The following PALM2AKAP2 variants were observed in gnomAD, a reference collection of about 807,000 sequenced individuals.
PALM2AKAP2 encodes PALM2-AKAP2 fusion protein.
PALM2AKAP2 carries 37 observed loss-of-function variants against 71.5 expected under a neutral mutation model. The ratio of observed to expected loss-of-function variants is 0.52; its 90% CI spans 0.40 to 0.68. The LOEUF (loss-of-function observed/expected upper bound fraction) is 0.68, where lower values mean the gene tolerates loss of function less well. Among genes scored for constraint, PALM2AKAP2 ranks in the 30% least tolerant of loss-of-function variants. The pLI, the probability that PALM2AKAP2 is intolerant of heterozygous loss-of-function variation, is 0.00. For missense variants in PALM2AKAP2, 1,224 were observed against 1,191.8 expected, an observed-to-expected ratio of 1.03 and a Z score of -0.40; for synonymous variants, 468 against 478.8, an observed-to-expected ratio of 0.98 and a Z score of 0.29.
chr9:110,130,839 A>C (rs1163448857), intron 1 of PALM2AKAP2, among the ~76,000 whole-genome samples: 1 of 152,256 alleles, frequency 6.6e-6, no homozygotes, highest in African/African-American at 2.4e-5. Context: ...TGAAAGGGTG[A>C]GGAAGATCTC....
rs369284825 is a variant in PALM2AKAP2, at chr9:110,012,295, AAAAAAG to A, written c.497-3636_497-3631del. On this transcript the variant is annotated intron_variant, in intron 6 of 9. Coordinates refer to the PALM2AKAP2 transcript ENST00000302798. ...GTGACAGAGCGAGACTCTGTCTCAAAAAAAAGAAAAAGAAAAAGAAAAAGAAAAGTA... is the reference window on the plus strand; with the variant it reads ...GTGACAGAGCGAGACTCTGTCTCAAAAAAAAGAAAAAGAAAAAGAAAAGTA... Among the ~76,000 whole-genome samples, 103 of 152,282 alleles carry A rather than the reference AAAAAAG, an allele frequency of 6.8e-4. 2 individuals carry two copies. In the South Asian group the frequency reaches 0.015, roughly 22 times the overall value.
chr9:109,776,286 G>A (rs2118777634), upstream of PALM2AKAP2, among the ~76,000 whole-genome samples: 1 of 152,322 alleles, frequency 6.6e-6, no homozygotes, highest in South Asian at 2.1e-4. Context: ...GAGGAAAAAA[G>A]ATTTTCCCTC....
At position 109,877,484 on chromosome 9, in the gene PALM2AKAP2, G is replaced by A. The variant is rs142764151; in HGVS notation, c.127-3067G>A. Reference sequence around the variant, plus strand: ...AAGAATTTGAGGATAGTATGAAAGGGCCATAGAGTGTGTCTCAGAGCCAGT... The same window carrying A: ...AAGAATTTGAGGATAGTATGAAAGGACCATAGAGTGTGTCTCAGAGCCAGT... On this transcript the variant is annotated intron_variant, in intron 2 of 9. Transcript: ENST00000302798. 3.3e-3 allele frequency among the ~76,000 whole-genome samples: 497 copies of A among 152,226 alleles called. 5 individuals carry two copies. The highest frequency in any genetic ancestry group is 0.011 in the African/African-American group (472 of 41,540).
chr9:109,745,756 CT>C (rs1183053825), intron 1 of PALM2AKAP2, among the ~76,000 whole-genome samples: 3 of 152,146 alleles, frequency 2.0e-5, no homozygotes, highest in Non-Finnish European at 4.4e-5. Flanking sequence ...AGTGGTGTGG[CT>C]GCCAGAACTC....
intron 6 of PALM2AKAP2, among the ~76,000 whole-genome samples, chr9:110,007,621 C>T (rs759609434): frequency 6.6e-6 from 1 of 152,174 alleles, no homozygotes; most frequent in African/African-American, 2.4e-5. Context: ...TTTGACTATG[C>T]AAACTTCTGC....
intron 3 of PALM2AKAP2, 137 bp from the exon 10 acceptor site, chr9:110,161,957 G>A: frequency 9.3e-7 from 1 of 1,077,234 alleles, no homozygotes; most frequent in Non-Finnish European, 1.4e-6. Context: ...AGAAAGTTTT[G>A]GCATGGGTGT....
chr9:110,009,380 C>T (rs779449298), intron 6 of PALM2AKAP2, among the ~76,000 whole-genome samples: 22 of 152,142 alleles, frequency 1.4e-4, no homozygotes, highest in Non-Finnish European at 2.2e-4. Flanking sequence ...AGCCGCCTGA[C>T]GCCTTCATTG....
chr9:109,939,045 T>A (rs1186916430), intron 6 of PALM2AKAP2, among the ~76,000 whole-genome samples: 6 of 151,744 alleles, frequency 4.0e-5, no homozygotes, highest in Admixed American at 3.3e-4. Flanking sequence ...ATAATAATAA[T>A]AAAAAATAAA....
intron 6 of PALM2AKAP2, among the ~76,000 whole-genome samples, chr9:109,990,829 T>C (rs965438946): frequency 6.6e-6 from 1 of 152,238 alleles, no homozygotes; most frequent in African/African-American, 2.4e-5. Flanking sequence ...GAGCCCAGAA[T>C]CCTGTAAATC....
chr9:109,667,829 C>CAACAA (rs1827511616), intron 1 of PALM2AKAP2, among the ~76,000 whole-genome samples: 1 of 151,878 alleles, frequency 6.6e-6, no homozygotes, highest in African/African-American at 2.4e-5. Flanking sequence ...GTAAATATAA[C>CAACAA]CAGAAGCCTA....
At position 110,106,988 on chromosome 9, in the gene PALM2AKAP2, C is replaced by T. The variant is rs781333370; in HGVS notation, c.157-29139C>T. Among the ~76,000 whole-genome samples, 9 of 152,032 alleles carry T rather than the reference C, an allele frequency of 5.9e-5. No homozygotes were observed. The East Asian group carries it at 7.7e-4, about 13-fold the overall frequency. ...ATGGAAGATAAGTCATCAATTAGCC[C>T]GATGGAAGGTTAAGCTGAAAACAGA... On this transcript the variant is annotated intron_variant, in intron 1 of 3. Transcript: ENST00000374525.
intron 1 of PALM2AKAP2, among the ~76,000 whole-genome samples, chr9:109,644,687 G>C (rs1053685094): frequency 2.0e-5 from 3 of 152,148 alleles, no homozygotes; most frequent in African/African-American, 7.2e-5. Context: ...GTCACCTCTT[G>C]AATGCTTTGC....
At chr9:109,942,766 C>T in intron 6 of PALM2AKAP2, 3 of 1,613,888 alleles carry the variant, frequency 1.9e-6, no homozygotes, top group African/African-American at 1.3e-5. Context: ...TACCATTGGC[C>T]CAGAGGGGGT....
At chr9:109,827,174 G>A (rs2418050) in intron 1 of PALM2AKAP2, among the ~76,000 whole-genome samples, 42,844 of 152,026 alleles carry the variant, frequency 0.28, 6,308 homozygotes, top group East Asian at 0.48. Context: ...ATGCATGTAG[G>A]CAGTTGTAGT....
At chr9:109,801,490 C>T (rs10980049) in intron 1 of PALM2AKAP2, among the ~76,000 whole-genome samples, 26,967 of 152,060 alleles carry the variant, frequency 0.18, 2,798 homozygotes, top group East Asian at 0.35. Context: ...CAGATTCATT[C>T]GATAAAATTA....
At chr9:109,779,913 C>G (rs79381128), upstream of PALM2AKAP2, among the ~76,000 whole-genome samples, 1 of 152,108 alleles carries the variant, frequency 6.6e-6, no homozygotes, top group Non-Finnish European at 1.5e-5. Context: ...GGCATCTGCC[C>G]GGTGGAGGCG....
chr9:109,825,185 C>T (rs1483971158), intron 1 of PALM2AKAP2, among the ~76,000 whole-genome samples: 2 of 152,168 alleles, frequency 1.3e-5, no homozygotes, highest in Non-Finnish European at 2.9e-5. Context: ...TGGATCCCCT[C>T]CTTACACCTT....
intron 3 of PALM2AKAP2, among the ~76,000 whole-genome samples, chr9:109,915,598 G>A (rs1830668177): frequency 1.3e-5 from 2 of 152,116 alleles, no homozygotes; most frequent in Non-Finnish European, 2.9e-5. Context: ...ATCCATCTGT[G>A]TCATGGGAGT....
At chr9:110,037,203 G>T (rs980430631) in intron 7 of PALM2AKAP2, among the ~76,000 whole-genome samples, 2 of 147,982 alleles carry the variant, frequency 1.4e-5, no homozygotes, top group African/African-American at 5.0e-5. Flanking sequence ...AATATTTTTT[G>T]TTGTTTGTTT....
Sources: allele counts gnomAD v4.1 joint callset (sites outside exome capture counted in the v4.1 genomes callset), GRCh38; gene constraint gnomAD v4.1.1; transcripts MANE v1.5; gene names NCBI Gene and HGNC (gene_info 2026-07-23, HGNC 2026-07-21).